Variants in PRUNE2 observed in about 807,000 individuals in gnomAD.
PRUNE2 encodes the protein prune homolog 2 with BCH domain.
A neutral mutation model predicts 252.0 loss-of-function variants in PRUNE2; 164 were observed. The ratio of observed to expected loss-of-function variants is 0.65; its 90% CI spans 0.57 to 0.74. The LOEUF (loss-of-function observed/expected upper bound fraction) is 0.74, where lower values mean the gene tolerates loss of function less well. Ranked by LOEUF, PRUNE2 falls within the 30% of genes least tolerant of loss-of-function variation. The pLI is 0.00. For synonymous variants in PRUNE2, 1,292 were observed against 1,350.2 expected (o/e 0.96, Z 0.94); for missense variants, 3,495 against 3,711.0 (o/e 0.94, Z 1.51).
chr9:76,737,456 C>T (rs2049179493), intron 6 of PRUNE2: 2 of 152,306 alleles, frequency 1.3e-5, no homozygotes, highest in South Asian at 2.1e-4. Context: ...TTACAGGTCC[C>T]GTATTCAGAA....
intron 9 of PRUNE2, among the ~76,000 whole-genome samples, chr9:76,667,144 T>G (rs1486436071): frequency 1.3e-5 from 2 of 152,140 alleles, no homozygotes; most frequent in Non-Finnish European, 2.9e-5. Context: ...CTTATGGGAG[T>G]GTTTTACAAA....
chr9:76,752,158 T>C (rs10747000), intron 6 of PRUNE2, among the ~76,000 whole-genome samples: 99,649 of 150,514 alleles, frequency 0.66, 33,583 homozygotes, highest in East Asian at 0.84. Context: ...AGTGCAATGG[T>C]GCAATCTCGG....
chr9:76,730,146 A>G (rs1382732322), intron 6 of PRUNE2, among the ~76,000 whole-genome samples: 1 of 152,274 alleles, frequency 6.6e-6, no homozygotes, highest in Admixed American at 6.5e-5. Context: ...CTTGGCAAAC[A>G]TTAAATGCAG....
intron 6 of PRUNE2, among the ~76,000 whole-genome samples, chr9:76,745,047 T>C (rs1404819056): frequency 1.3e-5 from 2 of 151,638 alleles, no homozygotes; most frequent in African/African-American, 2.4e-5. Flanking sequence ...AGTTACACTT[T>C]CCAGCAAAGA....
chr9:76,888,316 C>T (rs191787311), intron 1 of PRUNE2, among the ~76,000 whole-genome samples: 144 of 152,202 alleles, frequency 9.5e-4, no homozygotes, highest in South Asian at 3.3e-3. Flanking sequence ...CGGTGGCTCA[C>T]GCCTGTAATC....
rs753914059 is a variant in PRUNE2 at position 76,708,519 on chromosome 9, A to G, written c.3755T>C (p.Ile1252Thr). 2.3e-5 allele frequency: 37 copies of G among 1,613,702 alleles called. No homozygotes were observed. Among genetic ancestry groups the G allele is most frequent in the Non-Finnish European group, 3.1e-5 (36 of 1,179,878 alleles). Reference protein sequence around the residue: ...DSEQRELPPEIPSHSANVKDT... With the variant: ...DSEQRELPPETPSHSANVKDT... ...TTTAACATTTGCTGAATGGCTGGGG[A>G]TTTCAGGAGGCAATTCCCTTTGCTC... Residue 1252 changes from isoleucine (I) to threonine (T), a missense_variant, in exon 8 of 19, where the codon ATC becomes ACC. By Grantham distance (89) the Ile-to-Thr change is moderately conservative (BLOSUM62 -1). Coordinates refer to ENST00000376718, the MANE Select transcript of PRUNE2 (RefSeq NM_015225.3).
rs1393988590 is a variant in PRUNE2, at chr9:76,706,935, G to A, written c.5339C>T (p.Thr1780Ile). 10 of 1,612,562 alleles carry A rather than the reference G, an allele frequency of 6.2e-6. No individual in the cohort carries two copies. The highest frequency in any genetic ancestry group is 8.5e-6 in the Non-Finnish European group (10 of 1,179,200). ...SPLTETEMQI[T>I]AVEKEKRSSP... ...AGATCTCTTCTCCTTCTCCACTGCTGTAATCTGCATTTCAGTCTCCGTTAA... is the reference window on the plus strand; with the variant it reads ...AGATCTCTTCTCCTTCTCCACTGCTATAATCTGCATTTCAGTCTCCGTTAA... The change falls in exon 8 of 19, where the codon ACA becomes ATA. Residue 1780 changes from threonine (T) to isoleucine (I), a missense_variant. Thr to Ile is a moderately conservative substitution (Grantham distance 89). Coordinates refer to ENST00000376718, the MANE Select transcript of PRUNE2 (RefSeq NM_015225.3).
rs375569348 is a variant in PRUNE2, at chr9:76,707,771, A to C, written c.4503T>G (p.His1501Gln). 6.2e-7 allele frequency: 1 copy of C among 1,613,450 alleles called. No individual in the cohort carries two copies. Among genetic ancestry groups the C allele is most frequent in the Non-Finnish European group, 8.5e-7 (1 of 1,179,696 alleles). ...FGDVPIDSDV[H>Q]VSSTCSEITK... The stretch of plus-strand genomic sequence containing the variant: ...TTATCTCAGAACATGTGCTGCTGAC[A>C]TGCACATCACTGTCTATAGGGACGT... The change falls in exon 8 of 19, where the codon CAT (histidine) becomes CAG (glutamine). Residue 1501 changes from histidine (H) to glutamine (Q), a missense_variant. His to Gln is a conservative substitution (Grantham distance 24). Transcript: ENST00000376718.
intron 9 of PRUNE2, among the ~76,000 whole-genome samples, chr9:76,683,344 C>T (rs1287801580): frequency 6.6e-6 from 1 of 152,124 alleles, no homozygotes; most frequent in Non-Finnish European, 1.5e-5. Flanking sequence ...GAGAGGAACC[C>T]ACTGTATTAA....
chr9:76,832,651 A>T (rs2058733185), intron 4 of PRUNE2, among the ~76,000 whole-genome samples: 1 of 152,036 alleles, frequency 6.6e-6, no homozygotes. Flanking sequence ...CATTAAATTC[A>T]CCTAAAAAAA....
chr9:76,671,685 C>T (rs939040001), intron 9 of PRUNE2, among the ~76,000 whole-genome samples: 38 of 152,144 alleles, frequency 2.5e-4, no homozygotes, highest in Non-Finnish European at 4.9e-4. Context: ...GGAAGCCCAT[C>T]AGACTAACAG....
chr9:76,893,645 G>C (rs1326064143), intron 1 of PRUNE2, among the ~76,000 whole-genome samples: 2 of 152,220 alleles, frequency 1.3e-5, no homozygotes, highest in East Asian at 1.9e-4. Flanking sequence ...GTTGCGCTTG[G>C]TCAGGAGGCT....
intron 1 of PRUNE2, among the ~76,000 whole-genome samples, chr9:76,893,430 A>G (rs554820916): frequency 2.4e-4 from 37 of 152,358 alleles, no homozygotes; most frequent in Admixed American, 1.1e-3. Flanking sequence ...TGTTTTCCAC[A>G]GCCCTCCCTG....
intron 17 of PRUNE2, among the ~76,000 whole-genome samples, chr9:76,621,220 G>A (rs1165188221): frequency 2.6e-5 from 4 of 152,150 alleles, no homozygotes; most frequent in East Asian, 3.9e-4. Flanking sequence ...AAAGTCAGGC[G>A]CATCTGTCAA....
chr9:76,676,147 G>C (rs1564004845), intron 9 of PRUNE2, among the ~76,000 whole-genome samples: 1 of 150,946 alleles, frequency 6.6e-6, no homozygotes, highest in Non-Finnish European at 1.5e-5. Flanking sequence ...ACAAGAAACA[G>C]AATTATGCAA....
At chr9:76,843,196 C>T (rs1471054877) in intron 4 of PRUNE2, among the ~76,000 whole-genome samples, 1 of 152,110 alleles carries the variant, frequency 6.6e-6, no homozygotes. Flanking sequence ...GGCTGGAAAC[C>T]ACCATTTCTC....
At position 76,705,327 on chromosome 9, in the gene PRUNE2, A is replaced by G; in HGVS notation, c.6947T>C (p.Ile2316Thr). 1.2e-6 allele frequency: 2 copies of G among 1,613,946 alleles called. No homozygotes were observed. The highest frequency in any genetic ancestry group is 1.1e-5 in the South Asian group (1 of 91,082). ...ASGLNTSTGT[I>T]DDMSKLTLSE... ...TAATGTCAGTTTACTCATGTCATCTATTGTTCCCGTGGATGTGTTGAGACC... is the reference window on the plus strand; with the variant it reads ...TAATGTCAGTTTACTCATGTCATCTGTTGTTCCCGTGGATGTGTTGAGACC... Residue 2316 changes from isoleucine to threonine, a missense_variant, in exon 8 of 19, where the codon ATA (isoleucine) becomes ACA (threonine). Transcript: ENST00000376718.
intron 6 of PRUNE2, among the ~76,000 whole-genome samples, chr9:76,754,897 C>A (rs1344495570): frequency 2.3e-5 from 3 of 129,936 alleles, no homozygotes; most frequent in African/African-American, 5.7e-5. Context: ...ACCCGGGAGG[C>A]GGAGGTTGCA....
At chr9:76,662,933 G>C (rs2039390767) in intron 9 of PRUNE2, among the ~76,000 whole-genome samples, 1 of 148,264 alleles carries the variant, frequency 6.7e-6, no homozygotes, top group South Asian at 2.1e-4. Flanking sequence ...GAGATAAAAA[G>C]AAAAAAGAAA....
Sources: gnomAD v4.1 joint callset for allele counts (sites outside exome capture counted in the v4.1 genomes callset) on GRCh38, gnomAD v4.1.1 for gene constraint, MANE v1.5 for transcripts, NCBI Gene and HGNC (gene_info 2026-07-23, HGNC 2026-07-21) for gene names.